Variants in PALMD observed in about 807,000 individuals in gnomAD.
PALMD encodes the protein paralemmin-like protein.
A neutral mutation model predicts 56.2 loss-of-function variants in PALMD; 42 were observed. That is an observed-to-expected ratio of 0.75 (90% CI 0.58 to 0.97). PALMD has a LOEUF of 0.97. Among genes scored for constraint, PALMD ranks in the 50% least tolerant of loss-of-function variants. The probability of loss-of-function intolerance (pLI) is 0.00; values close to 1 mark genes in which losing one functional copy is unlikely to be tolerated. For synonymous variants in PALMD, 242 were observed against 222.9 expected (o/e 1.09, Z -0.76); for missense variants, 660 against 643.8 (o/e 1.03, Z -0.27).
chr1:99,663,218 C>T (rs1652885814), intron 2 of PALMD, among the ~76,000 whole-genome samples: 1 of 152,106 alleles, frequency 6.6e-6, no homozygotes, highest in African/African-American at 2.4e-5. Context: ...AAGTACCTGC[C>T]TCTGAAAAAA....
intron 3 of PALMD, among the ~76,000 whole-genome samples, chr1:99,671,118 A>G (rs1176732823): frequency 2.0e-5 from 3 of 152,316 alleles, no homozygotes; most frequent in Middle Eastern, 3.4e-3. Context: ...AATGTGATTT[A>G]TCACTTGACT....
chr1:99,646,375 A>G lies in PALMD; in HGVS notation c.45+13A>G. 1 of 1,600,596 alleles carries G rather than the reference A, an allele frequency of 6.2e-7. No homozygotes were observed. The highest frequency in any genetic ancestry group is 8.6e-7 in the Non-Finnish European group (1 of 1,167,636). ...CCAGGCCATCACAGTAAGTCTGCAT[A>G]CAGTTATAACTCATTAACGTTGTTA... On this transcript the variant is annotated intron_variant, in intron 1 of 7. Coordinates refer to ENST00000263174, the MANE Select transcript of PALMD (RefSeq NM_017734.5).
chr1:99,659,490 T>C (rs1410842536), intron 1 of PALMD, among the ~76,000 whole-genome samples: 2 of 152,166 alleles, frequency 1.3e-5, no homozygotes, highest in Non-Finnish European at 2.9e-5. Flanking sequence ...AACAGCTATC[T>C]ATAGAAGTGC....
intron 3 of PALMD, among the ~76,000 whole-genome samples, chr1:99,675,145 G>A (rs1653173654): frequency 6.6e-6 from 1 of 151,994 alleles, no homozygotes. Context: ...CCTGTTCCTT[G>A]GTATCAAATA....
chr1:99,656,746 G>C (rs187963685), intron 1 of PALMD, among the ~76,000 whole-genome samples: 2 of 152,240 alleles, frequency 1.3e-5, no homozygotes, highest in East Asian at 3.9e-4. Flanking sequence ...GCCCAGGACT[G>C]AGAATTAAGA....
chr1:99,683,115 A>G (rs1162588724), intron 3 of PALMD, among the ~76,000 whole-genome samples: 1 of 119,442 alleles, frequency 8.4e-6, no homozygotes. Flanking sequence ...AGAAAGAAAG[A>G]AAGAAAGAAA....
intron 1 of PALMD, among the ~76,000 whole-genome samples, chr1:99,660,859 C>T (rs1652831420): frequency 6.6e-6 from 1 of 152,040 alleles, no homozygotes; most frequent in Non-Finnish European, 1.5e-5. Context: ...GCACTCCAGC[C>T]TGGGCAACAA....
intron 3 of PALMD, among the ~76,000 whole-genome samples, chr1:99,673,043 G>C (rs1218901028): frequency 6.6e-6 from 1 of 152,116 alleles, no homozygotes; most frequent in African/African-American, 2.4e-5. Context: ...TGGTACAGCA[G>C]CTATAGCCAC....
rs943441974 is a variant in PALMD at position 99,659,926 on chromosome 1, G to A, written c.46-2393G>A. On this transcript the variant is annotated intron_variant, in intron 1 of 7. Transcript: ENST00000263174. Reference sequence around the variant, plus strand: ...AAGCCTGGTGTTGCCAAAACACTTCGGATGGCATGCCTCTACTCACAGATT... The same window carrying A: ...AAGCCTGGTGTTGCCAAAACACTTCAGATGGCATGCCTCTACTCACAGATT... Among the ~76,000 whole-genome samples the A allele has an allele frequency of 3.3e-5, 5 of 152,108 alleles. No individual in the cohort carries two copies. In the South Asian group the frequency reaches 6.2e-4, roughly 19 times the overall value.
chr1:99,690,785 A>G (rs952406655), intron 7 of PALMD, among the ~76,000 whole-genome samples: 12 of 152,176 alleles, frequency 7.9e-5, no homozygotes, highest in Non-Finnish European at 1.6e-4. Context: ...GTAATTTTAA[A>G]TGTCTCTAAT....
At position 99,651,243 on chromosome 1, in the gene PALMD, G is replaced by A. The variant is rs530052152; in HGVS notation, c.45+4881G>A. Among the ~76,000 whole-genome samples the A allele has an allele frequency of 4.9e-4, 75 of 152,306 alleles. 1 individual carries two copies. Among genetic ancestry groups the A allele is most frequent in the Admixed American group, 2.6e-3 (39 of 15,292 alleles). On this transcript the variant is annotated intron_variant, in intron 1 of 7. Coordinates refer to ENST00000263174, the MANE Select transcript of PALMD (RefSeq NM_017734.5). ...CAAATGTGGTACGCCACACTTCTTT[G>A]CCAAACATAACAGCCCACCCATAAA...
In PALMD at chr1:99,678,228, C is replaced by T. The variant is rs143433416; in HGVS notation, c.252-8448C>T. Among the ~76,000 whole-genome samples the T allele has an allele frequency of 8.9e-4, 135 of 151,168 alleles. 3 individuals are homozygous for T. In the East Asian group the frequency reaches 0.025, roughly 28 times the overall value. ...AAGCGATTCTCCTGACTCAGCCTCC[C>T]GAGTACTGGGATTATATAGGTGCGT... On this transcript the variant is annotated intron_variant, in intron 3 of 7. Coordinates refer to ENST00000263174, the MANE Select transcript of PALMD (RefSeq NM_017734.5).
At chr1:99,684,801 C>G (rs2100873636) in intron 3 of PALMD, 1 of 152,410 alleles carries the variant, frequency 6.6e-6, no homozygotes, top group East Asian at 1.9e-4. Flanking sequence ...TAGGCATGAG[C>G]CACTTCTCTC....
intron 1 of PALMD, among the ~76,000 whole-genome samples, chr1:99,660,557 G>A (rs1348206614): frequency 6.6e-6 from 1 of 152,136 alleles, no homozygotes; most frequent in Non-Finnish European, 1.5e-5. Context: ...ACTCACAGAG[G>A]CTTTCAGAGT....
intron 6 of PALMD, 126 bp downstream of exon 6, chr1:99,687,315 T>C: frequency 1.0e-6 from 1 of 963,572 alleles, no homozygotes; most frequent in African/African-American, 1.6e-5. Context: ...CAAAGTTCTG[T>C]GAGTTATGTG....
intron 3 of PALMD, among the ~76,000 whole-genome samples, chr1:99,682,302 T>C (rs781203882): frequency 9.9e-5 from 15 of 152,200 alleles, no homozygotes; most frequent in Non-Finnish European, 1.5e-4. Flanking sequence ...AAGTAATTAG[T>C]ACCAAGATGT....
rs781542413 is a variant in PALMD, at chr1:99,689,442, T to C, written c.1182T>C (p.Asp394=). 88 of 1,613,640 alleles carry C rather than the reference T, an allele frequency of 5.5e-5. No homozygotes were observed. In the Middle Eastern group the frequency reaches 1.3e-3, roughly 24 times the overall value. ...CCACTTGTCAGGAGGACGAGGAAGA[T>C]GTCAGATATAATATCGTTCATTCCC... ...SSPTCQEDEE[D]VRYNIVHSLP... The change falls in exon 7 of 8, where the codon GAT becomes GAC. Residue 394 remains aspartate (D), a synonymous_variant. Coordinates refer to ENST00000263174, the MANE Select transcript of PALMD (RefSeq NM_017734.5).
intron 2 of PALMD, among the ~76,000 whole-genome samples, chr1:99,666,885 A>G (rs929234151): frequency 6.6e-6 from 1 of 152,164 alleles, no homozygotes; most frequent in Non-Finnish European, 1.5e-5. Flanking sequence ...TCCTCATGCA[A>G]ATTCAAGAGG....
At position 99,646,270 on chromosome 1, in the gene PALMD, T is replaced by C. The variant is rs758528750; in HGVS notation, c.-48T>C. ...CTCCCCCAGGAGGCTCCTTGATTTA[T>C]GGTAGCTTTGGACTTGCTTCCCCGT... On this transcript the variant is annotated 5_prime_UTR_variant, in exon 1 of 8. The change abolishes an upstream ATG in the 5' untranslated region. Transcript: ENST00000263174. The C allele has an allele frequency of 2.0e-6, 3 of 1,529,210 alleles. No homozygotes were observed. Among genetic ancestry groups the C allele is most frequent in the Non-Finnish European group, 2.7e-6 (3 of 1,102,962 alleles). 94.7% of individuals were successfully genotyped at this position (1,529,210 alleles called of 1,614,324 possible).
Sources: allele counts gnomAD v4.1 joint callset (sites outside exome capture counted in the v4.1 genomes callset), GRCh38; gene constraint gnomAD v4.1.1; transcripts MANE v1.5; gene names NCBI Gene and HGNC (gene_info 2026-07-23, HGNC 2026-07-21).